The following MFSD12 variants were observed in gnomAD, a reference collection of about 807,000 sequenced individuals.
MFSD12 encodes the protein major facilitator superfamily domain containing 12, also known as major facilitator superfamily domain-containing protein 12.
A neutral mutation model predicts 51.2 loss-of-function variants in MFSD12; 67 were observed. The ratio of observed to expected loss-of-function variants is 1.31; its 90% CI spans 1.08 to 1.60. The LOEUF is 1.60. MFSD12 is among the 40% of genes most tolerant of loss of function. The probability of loss-of-function intolerance (pLI) is 0.00; values close to 1 mark genes in which losing one functional copy is unlikely to be tolerated. For synonymous variants in MFSD12, 441 were observed against 316.7 expected (o/e 1.39, Z -4.17); for missense variants, 921 against 673.0 (o/e 1.37, Z -4.08).
At chr19:3,546,674 A>G (rs1318101916) in intron 6 of MFSD12, among the ~76,000 whole-genome samples, 1 of 152,210 alleles carries the variant, frequency 6.6e-6, no homozygotes, top group Non-Finnish European at 1.5e-5. Flanking sequence ...GTCAGTTACA[A>G]CGAAAGCAAA....
At chr19:3,548,362 C>T (rs933562935) in intron 2 of MFSD12, 95 bp from the exon 3 acceptor site, 3 of 1,472,390 alleles carry the variant, frequency 2.0e-6, no homozygotes, top group Admixed American at 4.7e-5. Flanking sequence ...CTGGGGAACC[C>T]CTGACTGACA....
chr19:3,555,842 G>A (rs2031698816), intron 1 of MFSD12, among the ~76,000 whole-genome samples: 1 of 152,222 alleles, frequency 6.6e-6, no homozygotes, highest in African/African-American at 2.4e-5. Flanking sequence ...CGGCACTTCT[G>A]TGAGGGCAAG....
At chr19:3,546,755 G>T (rs372745137) in intron 6 of MFSD12, among the ~76,000 whole-genome samples, 2 of 152,220 alleles carry the variant, frequency 1.3e-5, no homozygotes, top group African/African-American at 4.8e-5. Context: ...GACAGAAAGC[G>T]CCAGAGCTCC....
Position 3,544,246 on chromosome 19 carries a change from G to A in MFSD12, c.*464C>T, listed in dbSNP as rs11555326. 0.017 allele frequency: 22,648 copies of A among 1,320,934 alleles called. 238 individuals are homozygous for A. The highest frequency in any genetic ancestry group is 0.019 in the Non-Finnish European group (20,051 of 1,037,382). The allele number at this position is 1,320,934 out of a possible 1,614,324, so 81.8% of individuals were successfully genotyped here. ...GCCAGCAGAGTCCACCAAGCCTGCC[G>A]GGCAGCCCTGCTGCCCACCACGGTG... On this transcript the variant is annotated 3_prime_UTR_variant, in exon 10 of 10. Transcript: ENST00000355415.
chr19:3,554,450 CAAA>C (rs1187548758), intron 1 of MFSD12, among the ~76,000 whole-genome samples: 4 of 71,778 alleles, frequency 5.6e-5, no homozygotes, highest in Admixed American at 1.5e-4. Flanking sequence ...AACAACAAAA[CAAA>C]AAAAAAAAAA....
At chr19:3,542,102 G>A (rs1325203179), downstream of MFSD12, 69 of 984,912 alleles carry the variant, frequency 7.0e-5, no homozygotes, top group South Asian at 2.8e-4. Context: ...GAGCCACTGC[G>A]CCCAGACAAT....
exon 5 of MFSD12, chr19:3,538,555 T>C: frequency 2.5e-6 from 1 of 393,814 alleles, no homozygotes; most frequent in Non-Finnish European, 5.2e-6. Flanking sequence ...CTGTGTCTGG[T>C]GTCTCTCACT....
downstream of MFSD12, chr19:3,544,112 C>G (rs903639363): frequency 2.1e-6 from 3 of 1,421,704 alleles, no homozygotes; most frequent in Non-Finnish European, 2.8e-6. Context: ...AGACACTGGG[C>G]TCGCTGGCCG....
rs573449521 is a variant in MFSD12 at position 3,539,099 on chromosome 19, C to A, written c.*6-343G>T. On this transcript the variant is annotated intron_variant, in intron 4 of 4. Transcript: ENST00000398558. ...AGGAGGGAGTGGTCAGCGTGGTTGC[C>A]GAGACACTGGGTGGCCTTTATGCTG... 4.2e-6 allele frequency: 4 copies of A among 950,480 alleles called. No individual in the cohort carries two copies. The South Asian group carries it at 4.4e-5, about 10-fold the overall frequency. 58.9% of individuals were successfully genotyped at this position (950,480 alleles called of 1,614,324 possible). A position where few individuals can be genotyped will look rare whatever the true frequency, so the allele number is the denominator to read the frequency against.
In MFSD12 at chr19:3,544,644, G is replaced by C. The variant is rs1388780376; in HGVS notation, c.*66C>G. 6.5e-6 allele frequency: 10 copies of C among 1,528,998 alleles called. No homozygotes were observed. In the East Asian group the frequency reaches 2.1e-4, roughly 31 times the overall value. The allele number at this position is 1,528,998 out of a possible 1,614,324, so 94.7% of individuals were successfully genotyped here. On this transcript the variant is annotated 3_prime_UTR_variant, in exon 10 of 10. Coordinates refer to ENST00000355415, the MANE Select transcript of MFSD12 (RefSeq NM_174983.5). ...AGGGGCAGTGGGGGCTTTTCCCCAA[G>C]GCCCTGGGGGGCATCCTCGTGCGTC...
At chr19:3,539,577 C>T (rs2030189651), downstream of MFSD12, 1 of 352,266 alleles carries the variant, frequency 2.8e-6, no homozygotes, top group African/African-American at 2.1e-5. Flanking sequence ...CTGGGCCCTT[C>T]TGTGGCTGAG....
Position 3,554,891 on chromosome 19 carries a change from C to A in MFSD12, c.298+2215G>T, listed in dbSNP as rs147086569. 4.5e-3 allele frequency among the ~76,000 whole-genome samples: 687 copies of A among 152,344 alleles called. 5 individuals carry two copies. The highest frequency in any genetic ancestry group is 0.016 in the African/African-American group (651 of 41,588). On this transcript the variant is annotated intron_variant, in intron 1 of 9. Transcript: ENST00000355415. The stretch of plus-strand genomic sequence containing the variant: ...TCACCTGCTCAGGCATCAAGAGCGG[C>A]TGCCTGGGCTTCTGCTCCCAACAGA...
At chr19:3,544,983 C>A in intron 8 of MFSD12, 44 bp from the exon 9 acceptor site, 2 of 1,549,418 alleles carry the variant, frequency 1.3e-6, no homozygotes, top group South Asian at 1.2e-5. Context: ...CGGGTACCAC[C>A]CCCCCGCCAC....
At chr19:3,555,660 CA>C (rs2031693117) in intron 1 of MFSD12, among the ~76,000 whole-genome samples, 1 of 152,072 alleles carries the variant, frequency 6.6e-6, no homozygotes, top group Non-Finnish European at 1.5e-5. Context: ...CTGCCTCTTG[CA>C]AAAAATGTCA....
chr19:3,543,640 C>T (rs759790757), downstream of MFSD12: 61 of 1,543,660 alleles, frequency 4.0e-5, no homozygotes, highest in South Asian at 4.8e-5. Flanking sequence ...GGTGGGGGAG[C>T]GCGCTGTGGA....
rs372334992 is a variant in MFSD12 at position 3,544,706 on chromosome 19, G to A, written c.*4C>T. On this transcript the variant is annotated 3_prime_UTR_variant, in exon 10 of 10. Coordinates refer to ENST00000355415, the MANE Select transcript of MFSD12 (RefSeq NM_174983.5). ...CTTGCACAGGTGCAGGAGGCTGTCA[G>A]GAGTCAGGGCCGGGCATCACGGTCC... 5.9e-5 allele frequency: 95 copies of A among 1,599,458 alleles called. No homozygotes were observed. The highest frequency in any genetic ancestry group is 7.9e-5 in the Non-Finnish European group (92 of 1,171,506).
chr19:3,543,982 C>T (rs190228213), downstream of MFSD12: 14,945 of 1,547,682 alleles, frequency 9.7e-3, 92 homozygotes, highest in Non-Finnish European at 0.012. Context: ...CAGCGGTCCC[C>T]GCCTTCCCTC....
At chr19:3,553,472 A>AT (rs2031575941) in intron 1 of MFSD12, among the ~76,000 whole-genome samples, 2 of 11,870 alleles carry the variant, frequency 1.7e-4, no homozygotes, top group South Asian at 0.011. Flanking sequence ...GACCCTGTCA[A>AT]GAAAAAAAAA....
intron 2 of MFSD12, among the ~76,000 whole-genome samples, chr19:3,548,992 C>A (rs1427494256): frequency 6.6e-6 from 1 of 152,194 alleles, no homozygotes; most frequent in African/African-American, 2.4e-5. Flanking sequence ...CACGAAGGCG[C>A]TGTGAGGACC....
Sources: gnomAD v4.1 joint callset for allele counts (sites outside exome capture counted in the v4.1 genomes callset) on GRCh38, gnomAD v4.1.1 for gene constraint, MANE v1.5 for transcripts, NCBI Gene and HGNC (gene_info 2026-07-23, HGNC 2026-07-21) for gene names.